LUZP2: variants seen among roughly 807,000 people sequenced by gnomAD.
LUZP2 encodes leucine zipper protein 2.
LUZP2 carries 52 observed loss-of-function variants against 51.6 expected under a neutral mutation model. That is an observed-to-expected ratio of 1.01 (90% CI 0.81 to 1.27). The LOEUF is 1.27. Among genes scored for constraint, LUZP2 ranks in the 50% most tolerant of loss-of-function variants. The pLI is 0.00. For synonymous variants in LUZP2, 154 were observed against 137.3 expected (o/e 1.12, Z -0.85); for missense variants, 436 against 395.4 (o/e 1.10, Z -0.87).
chr11:24,730,552 C>A (rs1459999319), intron 2 of LUZP2, among the ~76,000 whole-genome samples: 2 of 151,780 alleles, frequency 1.3e-5, no homozygotes, highest in African/African-American at 4.8e-5. Context: ...AGATTGATTT[C>A]TAGTGAAGCC....
At chr11:24,852,119 GCT>G (rs138250278) in intron 5 of LUZP2, among the ~76,000 whole-genome samples, 89,613 of 151,476 alleles carry the variant, frequency 0.59, 27,612 homozygotes, top group Middle Eastern at 0.7. Context: ...CTTCAGTTCT[GCT>G]CTTAGTTATT....
At chr11:24,750,746 T>C (rs1239557234) in intron 4 of LUZP2, among the ~76,000 whole-genome samples, 2 of 152,158 alleles carry the variant, frequency 1.3e-5, no homozygotes, top group Admixed American at 1.3e-4. Flanking sequence ...ACTAGAACCA[T>C]TATTGTAGAA....
chr11:24,760,792 A>C (rs1437092307), intron 4 of LUZP2, among the ~76,000 whole-genome samples: 1 of 152,208 alleles, frequency 6.6e-6, no homozygotes, highest in East Asian at 1.9e-4. Context: ...TGTCAGAAAG[A>C]GGAATCCATG....
chr11:24,707,644 A>C (rs1857642241), intron 1 of LUZP2, among the ~76,000 whole-genome samples: 1 of 152,132 alleles, frequency 6.6e-6, no homozygotes, highest in Admixed American at 6.5e-5. Flanking sequence ...GTCCAAGGGC[A>C]GGAGAAGGTG....
At position 24,932,842 on chromosome 11, in the gene LUZP2, T is replaced by G. The variant is rs572210030; in HGVS notation, c.522+18304T>G. Among the ~76,000 whole-genome samples, 3 of 152,326 alleles carry G rather than the reference T, an allele frequency of 2.0e-5. No individual in the cohort carries two copies. In the South Asian group the frequency reaches 6.2e-4, roughly 32 times the overall value. ...CTCTCGGGTTCTGTCCAGGAAACTCTGCATTCAGTCAGAATTGTTACAAAG... is the reference window on the plus strand; with the variant it reads ...CTCTCGGGTTCTGTCCAGGAAACTCGGCATTCAGTCAGAATTGTTACAAAG... On this transcript the variant is annotated intron_variant, in intron 7 of 11. Coordinates refer to ENST00000336930, the MANE Select transcript of LUZP2 (RefSeq NM_001009909.4).
chr11:24,937,856 G>A (rs967682366), intron 7 of LUZP2, among the ~76,000 whole-genome samples: 5 of 150,746 alleles, frequency 3.3e-5, no homozygotes, highest in African/African-American at 1.2e-4. Context: ...AGCCGAGATC[G>A]TGCCACTGCA....
At chr11:24,507,390 A>T (rs1850175065) in intron 1 of LUZP2, among the ~76,000 whole-genome samples, 1 of 152,110 alleles carries the variant, frequency 6.6e-6, no homozygotes, top group South Asian at 2.1e-4. Flanking sequence ...ACCTTTACAC[A>T]TGTGTATAAA....
intron 1 of LUZP2, among the ~76,000 whole-genome samples, chr11:24,709,966 G>T (rs978668194): frequency 6.6e-6 from 1 of 152,088 alleles, no homozygotes; most frequent in Non-Finnish European, 1.5e-5. Flanking sequence ...ACATGAACCA[G>T]GATTCAATCC....
At chr11:24,592,783 G>C (rs1263852530) in intron 1 of LUZP2, among the ~76,000 whole-genome samples, 1 of 151,944 alleles carries the variant, frequency 6.6e-6, no homozygotes, top group Non-Finnish European at 1.5e-5. Flanking sequence ...CCTAATGTTA[G>C]GAGAGATAGT....
chr11:24,815,560 A>G (rs1462367926), intron 5 of LUZP2, among the ~76,000 whole-genome samples: 1 of 152,128 alleles, frequency 6.6e-6, no homozygotes, highest in African/African-American at 2.4e-5. Flanking sequence ...TAAGAGTTGA[A>G]AGTGGACTGA....
intron 7 of LUZP2, among the ~76,000 whole-genome samples, chr11:24,954,961 GA>G (rs1195713870): frequency 1.3e-5 from 2 of 151,952 alleles, no homozygotes; most frequent in African/African-American, 2.4e-5. Flanking sequence ...ACAACTTTAG[GA>G]AGAAGGGTCA....
At chr11:24,589,888 G>A (rs1053144123) in intron 1 of LUZP2, among the ~76,000 whole-genome samples, 2 of 151,864 alleles carry the variant, frequency 1.3e-5, no homozygotes, top group African/African-American at 4.8e-5. Flanking sequence ...CTGAATCTTA[G>A]GCATGAAGTG....
rs1209246078 is a variant in LUZP2 at position 24,633,519 on chromosome 11, G to A, written c.63-95650G>A. 5.3e-5 allele frequency among the ~76,000 whole-genome samples: 8 copies of A among 152,098 alleles called. No homozygotes were observed. In the East Asian group the frequency reaches 1.5e-3, roughly 29 times the overall value. On this transcript the variant is annotated intron_variant, in intron 1 of 11. Coordinates refer to ENST00000336930, the MANE Select transcript of LUZP2 (RefSeq NM_001009909.4). ...AGAAGAAAAAGCAGTGGAAAAAAAT[G>A]ATGTGTTCTTCTCAGTTGTATTTTA...
At chr11:24,730,744 A>T (rs1858683608) in intron 2 of LUZP2, among the ~76,000 whole-genome samples, 1 of 151,854 alleles carries the variant, frequency 6.6e-6, no homozygotes, top group Admixed American at 6.6e-5. Context: ...CAGCCTTTCT[A>T]TGCCAGTAGC....
At chr11:24,603,056 A>G (rs1853799225) in intron 1 of LUZP2, among the ~76,000 whole-genome samples, 1 of 151,836 alleles carries the variant, frequency 6.6e-6, no homozygotes, top group African/African-American at 2.4e-5. Context: ...GTTATTATCT[A>G]TTTTTGTATA....
intron 10 of LUZP2, among the ~76,000 whole-genome samples, chr11:25,067,428 G>A: frequency 6.6e-6 from 1 of 151,916 alleles, no homozygotes; most frequent in East Asian, 1.9e-4. Context: ...CATTGTTTTT[G>A]GTGTTTTAGT....
At chr11:24,801,600 T>C (rs929101821) in intron 5 of LUZP2, among the ~76,000 whole-genome samples, 2 of 152,016 alleles carry the variant, frequency 1.3e-5, no homozygotes, top group South Asian at 4.2e-4. Context: ...CACAACTCCA[T>C]ATTGCTTCAC....
At chr11:25,037,020 G>T (rs763544248) in intron 9 of LUZP2, among the ~76,000 whole-genome samples, 1 of 152,010 alleles carries the variant, frequency 6.6e-6, no homozygotes, top group African/African-American at 2.4e-5. Context: ...TTAGCTTTCT[G>T]CCTCGATGAT....
At chr11:24,586,608 T>C (rs1358127976) in intron 1 of LUZP2, among the ~76,000 whole-genome samples, 4 of 152,096 alleles carry the variant, frequency 2.6e-5, no homozygotes, top group Admixed American at 1.3e-4. Flanking sequence ...ATCTTGATTT[T>C]CCCATGCTTA....
Sources: gnomAD v4.1 joint callset for allele counts (sites outside exome capture counted in the v4.1 genomes callset) on GRCh38, gnomAD v4.1.1 for gene constraint, MANE v1.5 for transcripts, NCBI Gene and HGNC (gene_info 2026-07-23, HGNC 2026-07-21) for gene names.